The following SLC35F4 variants were observed in gnomAD, a reference collection of about 807,000 sequenced individuals.
SLC35F4 encodes chromosome 14 open reading frame 36.
A neutral mutation model predicts 44.2 loss-of-function variants in SLC35F4; 24 were observed. The observed-to-expected ratio is 0.54, with a 90% confidence interval of 0.39 to 0.76. The LOEUF is 0.76. Ranked by LOEUF, SLC35F4 falls within the 30% of genes least tolerant of loss-of-function variation. The probability of loss-of-function intolerance (pLI) is 0.00; values close to 1 mark genes in which losing one functional copy is unlikely to be tolerated. For missense variants in SLC35F4, 562 were observed against 586.1 expected, an observed-to-expected ratio of 0.96 and a Z score of 0.42; for synonymous variants, 238 against 223.6, an observed-to-expected ratio of 1.06 and a Z score of -0.57.
intron 1 of SLC35F4, among the ~76,000 whole-genome samples, chr14:57,618,729 G>A (rs998097351): frequency 2.0e-5 from 3 of 152,238 alleles, no homozygotes; most frequent in Non-Finnish European, 4.4e-5. Context: ...AAGCCAGGGA[G>A]CAAAGTGGTC....
chr14:57,836,921 A>C (rs1317264786), intron 1 of SLC35F4, among the ~76,000 whole-genome samples: 1 of 152,224 alleles, frequency 6.6e-6, no homozygotes, highest in African/African-American at 2.4e-5. Context: ...TTACATCCAG[A>C]ACATTAAAAT....
intron 1 of SLC35F4, among the ~76,000 whole-genome samples, chr14:57,622,897 T>C (rs1665390966): frequency 6.6e-6 from 1 of 151,866 alleles, no homozygotes; most frequent in African/African-American, 2.4e-5. Context: ...ATGAAGAAAC[T>C]GCATCAACTA....
At chr14:57,580,406 T>C (rs553895439) in intron 4 of SLC35F4, 22 of 197,342 alleles carry the variant, frequency 1.1e-4, no homozygotes, top group African/African-American at 4.7e-4. Flanking sequence ...TTGTGTAATA[T>C]TGATACTCTG....
At chr14:57,836,732 G>A (rs1224444626) in intron 1 of SLC35F4, among the ~76,000 whole-genome samples, 2 of 151,754 alleles carry the variant, frequency 1.3e-5, no homozygotes, top group Non-Finnish European at 2.9e-5. Context: ...ACTCCCCTAA[G>A]CACCACCGCT....
At chr14:57,572,433 TC>T (rs1431372936) in intron 4 of SLC35F4, among the ~76,000 whole-genome samples, 1 of 152,126 alleles carries the variant, frequency 6.6e-6, no homozygotes, top group East Asian at 1.9e-4. Flanking sequence ...TTTAATCAGC[TC>T]CTTGGCTCAA....
At chr14:57,812,087 C>T (rs1882034422) in intron 1 of SLC35F4, among the ~76,000 whole-genome samples, 1 of 152,144 alleles carries the variant, frequency 6.6e-6, no homozygotes, top group Non-Finnish European at 1.5e-5. Flanking sequence ...AGTTGCCCAC[C>T]AGTGGAGCAA....
intron 1 of SLC35F4, among the ~76,000 whole-genome samples, chr14:57,814,792 T>C (rs1882375137): frequency 6.6e-6 from 1 of 152,222 alleles, no homozygotes; most frequent in Non-Finnish European, 1.5e-5. Flanking sequence ...AGGGGCAGAA[T>C]GTGATGCAGC....
chr14:57,800,471 C>A (rs2078165036), intron 1 of SLC35F4, among the ~76,000 whole-genome samples: 1 of 152,082 alleles, frequency 6.6e-6, no homozygotes, highest in Non-Finnish European at 1.5e-5. Context: ...TCCAAATGAC[C>A]ACAACACCTA....
At chr14:57,614,109 G>T (rs909622046) in intron 1 of SLC35F4, among the ~76,000 whole-genome samples, 1 of 152,110 alleles carries the variant, frequency 6.6e-6, no homozygotes, top group African/African-American at 2.4e-5. Flanking sequence ...TATAAACTGT[G>T]GTTTGGCTGC....
chr14:57,865,024 G>A (rs1267916082), intron 1 of SLC35F4, among the ~76,000 whole-genome samples: 3 of 151,654 alleles, frequency 2.0e-5, no homozygotes, highest in Non-Finnish European at 4.4e-5. Context: ...GACGTGCGGC[G>A]GGGGCGGGTG....
At chr14:57,811,204 G>A (rs2140885628) in intron 1 of SLC35F4, among the ~76,000 whole-genome samples, 1 of 152,222 alleles carries the variant, frequency 6.6e-6, no homozygotes, top group African/African-American at 2.4e-5. Flanking sequence ...CACCAAAAGT[G>A]GGCACCAAAG....
intron 1 of SLC35F4, among the ~76,000 whole-genome samples, chr14:57,871,446 CT>C (rs890812270): frequency 6.6e-6 from 1 of 152,168 alleles, no homozygotes; most frequent in Non-Finnish European, 1.5e-5. Flanking sequence ...TTTTGAACAG[CT>C]GTGTTGGTGG....
At chr14:57,905,180 C>G (rs547609718) in intron 1 of SLC35F4, among the ~76,000 whole-genome samples, 1 of 152,302 alleles carries the variant, frequency 6.6e-6, no homozygotes, top group East Asian at 1.9e-4. Context: ...GAAGGTGACT[C>G]ACTCTGATGC....
intron 1 of SLC35F4, among the ~76,000 whole-genome samples, chr14:57,803,371 A>G (rs1217025085): frequency 6.6e-6 from 1 of 152,180 alleles, no homozygotes; most frequent in East Asian, 1.9e-4. Context: ...AAAAGCTAGA[A>G]GCATTCTCCT....
At chr14:57,937,640 GAAA>G (rs776574058) in intron 1 of SLC35F4, among the ~76,000 whole-genome samples, 4 of 105,048 alleles carry the variant, frequency 3.8e-5, no homozygotes, top group South Asian at 2.9e-4. Context: ...GAAAAGAAAA[GAAA>G]AGAAAAGAAA....
intron 1 of SLC35F4, among the ~76,000 whole-genome samples, chr14:57,957,293 G>T (rs75220083): frequency 6.6e-6 from 1 of 152,050 alleles, no homozygotes; most frequent in African/African-American, 2.4e-5. Flanking sequence ...CTGTCAGGGG[G>T]TAGGGGCTAG....
At chr14:57,712,966 C>A (rs2075850144) in intron 1 of SLC35F4, among the ~76,000 whole-genome samples, 1 of 152,172 alleles carries the variant, frequency 6.6e-6, no homozygotes, top group Admixed American at 6.6e-5. Context: ...CACCTCCACG[C>A]TCTCAGAAAT....
chr14:57,852,057 T>C (rs1471567512), intron 1 of SLC35F4, among the ~76,000 whole-genome samples: 2 of 152,154 alleles, frequency 1.3e-5, no homozygotes, highest in Non-Finnish European at 1.5e-5. Context: ...CTGAACGAAA[T>C]AGATCCATCC....
intron 1 of SLC35F4, among the ~76,000 whole-genome samples, chr14:57,707,291 A>T (rs1056523407): frequency 2.0e-5 from 3 of 152,154 alleles, no homozygotes; most frequent in African/African-American, 7.2e-5. Context: ...CTTGAATTGC[A>T]GTTCCCATAA....
Sources: allele counts gnomAD v4.1 joint callset (sites outside exome capture counted in the v4.1 genomes callset), GRCh38; gene constraint gnomAD v4.1.1; transcripts MANE v1.5; gene names NCBI Gene and HGNC (gene_info 2026-07-23, HGNC 2026-07-21).